The following PCDH15 variants were observed in gnomAD, a reference collection of about 807,000 sequenced individuals.
PCDH15 encodes protocadherin-15.
In PCDH15, 129 loss-of-function variants were observed where a neutral mutation model predicts 178.5. The observed-to-expected ratio is 0.72, with a 90% confidence interval of 0.63 to 0.84. PCDH15 has a LOEUF of 0.84. PCDH15 is among the 40% of genes least tolerant of loss of function. The pLI is 0.00. For synonymous variants in PCDH15, 800 were observed against 732.0 expected (o/e 1.09, Z -1.50); for missense variants, 2,230 against 2,099.9 (o/e 1.06, Z -1.21).
At position 55,318,444 on chromosome 10, in the gene PCDH15, AC is replaced by A. The variant is rs1389417400; in HGVS notation, c.-156+1154del. On this transcript the variant is annotated intron_variant, in intron 1 of 5. Transcript: ENST00000458638. ...TGAAAACTGAAAACTCAGATTTAAA[AC>A]AAAAAGAATGCTCAAAATTTGGAAA... Among the ~76,000 whole-genome samples, 38 of 152,186 alleles carry A rather than the reference AC, an allele frequency of 2.5e-4. 1 individual carries two copies. The highest frequency in any genetic ancestry group is 5.3e-4 in the Non-Finnish European group (36 of 68,020).
chr10:54,213,939 A>C lies in PCDH15; in HGVS notation c.1095T>G (p.Ile365Met). The C allele has an allele frequency of 1.3e-6, 2 of 1,564,852 alleles. No individual in the cohort carries two copies. Among genetic ancestry groups the C allele is most frequent in the Non-Finnish European group, 1.8e-6 (2 of 1,135,782 alleles). The change falls in exon 10 of 38, where the codon ATT becomes ATG. Residue 365 changes from isoleucine to methionine, a missense_variant. Ile to Met is a conservative substitution (Grantham distance 10). Transcript: ENST00000644397. ...ATAAGATATTAGCTTAATTTACCTT[A>C]ATAACCAAATCAAATTTCTGGTGAA... The part of the protein sequence containing the change: ...RDFHQKFDLV[I>M]KAEQDNGHPL...
At chr10:54,357,827 T>G (rs1427172285) in intron 5 of PCDH15, among the ~76,000 whole-genome samples, 2 of 151,956 alleles carry the variant, frequency 1.3e-5, no homozygotes, top group Non-Finnish European at 1.5e-5. Context: ...TATAGATCAA[T>G]GGAACAGAAC....
Position 54,022,896 on chromosome 10 carries a change from A to G in PCDH15, c.2522T>C (p.Ile841Thr), listed in dbSNP as rs567811243. 3.7e-6 allele frequency: 6 copies of G among 1,613,754 alleles called. No homozygotes were observed. The African/African-American group carries it at 4.0e-5, about 11-fold the overall frequency. ...NLPAGTTILQ[I>T]EAKDVDLGAN... Reference sequence around the variant, plus strand: ...TAAATGCTTTTTCCCACACACCTCTATTTGAAGGATGGTAGTCCCAGCTGG... The same window carrying G: ...TAAATGCTTTTTCCCACACACCTCTGTTTGAAGGATGGTAGTCCCAGCTGG... Residue 841 changes from isoleucine (I) to threonine (T), a missense_variant, in exon 19 of 38, where the codon ATA becomes ACA. Coordinates refer to ENST00000644397, the MANE Select transcript of PCDH15 (RefSeq NM_001384140.1).
chr10:54,642,390 A>G (rs1257632873), intron 2 of PCDH15, among the ~76,000 whole-genome samples: 7 of 152,188 alleles, frequency 4.6e-5, no homozygotes, highest in African/African-American at 1.7e-4. Context: ...ATAGCAACCT[A>G]AATGGACTAA....
At chr10:54,760,445 T>C (rs1947723851) in intron 1 of PCDH15, among the ~76,000 whole-genome samples, 2 of 152,184 alleles carry the variant, frequency 1.3e-5, no homozygotes, top group African/African-American at 4.8e-5. Context: ...GTGCCTCATC[T>C]AATGTGTTAA....
In PCDH15 at chr10:53,806,437, TAA is replaced by T; in HGVS notation, c.*140_*141del. ...ACAATGTGAGTGCAAATCTGTCTCT[TAA>T]AATTTTAAAGCATATTGTTCAAAGT... On this transcript the variant is annotated 3_prime_UTR_variant, in exon 38 of 38. Coordinates refer to ENST00000644397, the MANE Select transcript of PCDH15 (RefSeq NM_001384140.1). 1 of 733,748 alleles carries T rather than the reference TAA, an allele frequency of 1.4e-6. No homozygotes were observed. Among genetic ancestry groups the T allele is most frequent in the Non-Finnish European group, 2.1e-6 (1 of 467,682 alleles). The allele number at this position is 733,748 out of a possible 1,614,324, so 45.5% of individuals were successfully genotyped here.
intron 13 of PCDH15, among the ~76,000 whole-genome samples, chr10:54,168,257 G>C (rs372402253): frequency 6.6e-6 from 1 of 151,818 alleles, no homozygotes; most frequent in East Asian, 1.9e-4. Flanking sequence ...GGTGCCTGAC[G>C]TCCAGGCATT....
At chr10:55,587,554 T>C (rs531567831) in intron 2 of PCDH15, among the ~76,000 whole-genome samples, 105 of 152,254 alleles carry the variant, frequency 6.9e-4, no homozygotes, top group Non-Finnish European at 1.2e-3. Context: ...TTAATCCTTC[T>C]GAAATAATCC....
chr10:55,431,501 A>G (rs1190715912), intron 2 of PCDH15, among the ~76,000 whole-genome samples: 1 of 152,156 alleles, frequency 6.6e-6, no homozygotes, highest in Non-Finnish European at 1.5e-5. Context: ...TAGGACTTAC[A>G]AAAACTTAAA....
chr10:53,892,698 T>C (rs879257287), intron 26 of PCDH15, among the ~76,000 whole-genome samples: 2 of 152,182 alleles, frequency 1.3e-5, no homozygotes, highest in Non-Finnish European at 2.9e-5. Flanking sequence ...GTAATGTTTT[T>C]TATGGTTCTC....
chr10:54,298,230 A>T (rs1441028696), intron 8 of PCDH15, among the ~76,000 whole-genome samples: 2 of 152,168 alleles, frequency 1.3e-5, no homozygotes, highest in Non-Finnish European at 2.9e-5. Context: ...GGGTCTATTG[A>T]TCCTAAAAGA....
intron 2 of PCDH15, among the ~76,000 whole-genome samples, chr10:55,352,908 C>G (rs1844976547): frequency 6.6e-6 from 1 of 152,094 alleles, no homozygotes; most frequent in African/African-American, 2.4e-5. Context: ...CCAGGCAAAA[C>G]CATTACATCT....
intron 18 of PCDH15, among the ~76,000 whole-genome samples, chr10:54,042,226 A>G (rs2093563248): frequency 6.6e-6 from 1 of 152,098 alleles, no homozygotes; most frequent in Non-Finnish European, 1.5e-5. Context: ...CCTATTAATT[A>G]GGACTACTCT....
At chr10:55,485,497 C>CA (rs748115514) in intron 2 of PCDH15, among the ~76,000 whole-genome samples, 31 of 151,408 alleles carry the variant, frequency 2.0e-4, no homozygotes, top group Admixed American at 4.0e-4. Flanking sequence ...ACCAAAAAGA[C>CA]AAAAAAATAA....
intron 18 of PCDH15, among the ~76,000 whole-genome samples, chr10:54,047,358 C>CTG (rs137989866): frequency 0.14 from 19,907 of 140,164 alleles, 3,129 homozygotes; most frequent in African/African-American, 0.4. Context: ...ATTCACACTG[C>CTG]TGTGTGTGGT....
chr10:54,824,505 G>A (rs1953095529), intron 3 of PCDH15, among the ~76,000 whole-genome samples: 1 of 152,148 alleles, frequency 6.6e-6, no homozygotes. Flanking sequence ...GCGCTCTCCA[G>A]CCTTTGCTGT....
intron 2 of PCDH15, among the ~76,000 whole-genome samples, chr10:54,612,520 CACTT>C (rs1452848063): frequency 4.0e-5 from 6 of 151,556 alleles, no homozygotes; most frequent in Non-Finnish European, 8.9e-5. Flanking sequence ...GCATAAATGA[CACTT>C]ACTTAGAGAT....
intron 2 of PCDH15, among the ~76,000 whole-genome samples, chr10:55,078,756 G>A (rs1841970035): frequency 6.6e-6 from 1 of 151,892 alleles, no homozygotes; most frequent in South Asian, 2.1e-4. Context: ...CAAATACGTA[G>A]TCTTTTATCC....
rs564272936 is a variant in PCDH15 at position 55,566,276 on chromosome 10, ACACT to A, written c.-156+61345_-156+61348del. Among the ~76,000 whole-genome samples, 47 of 151,830 alleles carry A rather than the reference ACACT, an allele frequency of 3.1e-4. 1 individual carries two copies. In the South Asian group the frequency reaches 9.3e-3, roughly 30 times the overall value. On this transcript the variant is annotated intron_variant, in intron 2 of 5. Transcript: ENST00000613346. ...TATACCCTTTCGTGATTTAAAAAAA[ACACT>A]CAACAAAGTAGAAATATAAGGAAAC...
Sources: allele counts gnomAD v4.1 joint callset (sites outside exome capture counted in the v4.1 genomes callset), GRCh38; gene constraint gnomAD v4.1.1; transcripts MANE v1.5; gene names NCBI Gene and HGNC (gene_info 2026-07-23, HGNC 2026-07-21).